The following CLVS1 variants were observed in gnomAD, a reference collection of about 807,000 sequenced individuals.
CLVS1 encodes the protein clavesin 1.
Under a neutral mutation model 33.1 loss-of-function variants are expected in CLVS1, and 10 were observed. The observed-to-expected ratio is 0.30, with a 90% CI of 0.19 to 0.51. The LOEUF (loss-of-function observed/expected upper bound fraction) is 0.51, where lower values mean the gene tolerates loss of function less well. Among genes scored for constraint, CLVS1 ranks in the 20% least tolerant of loss-of-function variants. CLVS1 has a pLI of 0.97. For missense variants in CLVS1, 343 were observed against 433.4 expected, an observed-to-expected ratio of 0.79 and a Z score of 1.85; for synonymous variants, 163 against 166.1, an observed-to-expected ratio of 0.98 and a Z score of 0.14.
the CLVS1 span, among the ~76,000 whole-genome samples, chr8:61,009,229 G>A: frequency 6.7e-6 from 1 of 150,214 alleles, no homozygotes; most frequent in Non-Finnish European, 1.5e-5. Flanking sequence ...GGAATGCAGT[G>A]CCTCGCCCTC....
At chr8:61,141,789 G>T (rs1034856083) in intron 2 of CLVS1, among the ~76,000 whole-genome samples, 9 of 152,174 alleles carry the variant, frequency 5.9e-5, no homozygotes, top group African/African-American at 1.9e-4. Context: ...CCACTCCCCA[G>T]CATAGGACAG....
At chr8:61,296,765 A>G (rs189170725) in intron 1 of CLVS1, among the ~76,000 whole-genome samples, 2 of 152,288 alleles carry the variant, frequency 1.3e-5, no homozygotes, top group African/African-American at 2.4e-5. Context: ...CTGAGCATCT[A>G]CTTCATCGCA....
intron 5 of CLVS1, among the ~76,000 whole-genome samples, chr8:61,475,303 A>T (rs1586027024): frequency 6.6e-6 from 1 of 152,230 alleles, no homozygotes; most frequent in Non-Finnish European, 1.5e-5. Flanking sequence ...TACTTTGGGT[A>T]TATACCCAGT....
At chr8:61,467,875 G>A (rs561008354) in intron 5 of CLVS1, among the ~76,000 whole-genome samples, 1 of 152,270 alleles carries the variant, frequency 6.6e-6, no homozygotes, top group Non-Finnish European at 1.5e-5. Flanking sequence ...GTCCTTAGAT[G>A]TCATTTAGGG....
chr8:61,214,993 A>G (rs1808054418), intron 2 of CLVS1, among the ~76,000 whole-genome samples: 2 of 152,168 alleles, frequency 1.3e-5, no homozygotes, highest in South Asian at 4.1e-4. Context: ...CACATTGAAA[A>G]TGTTTTAGCT....
At chr8:61,209,260 G>A (rs542323005) in intron 2 of CLVS1, among the ~76,000 whole-genome samples, 3 of 152,330 alleles carry the variant, frequency 2.0e-5, no homozygotes, top group Non-Finnish European at 4.4e-5. Context: ...CCAGCTGTGG[G>A]GCTAAGCTTG....
At chr8:61,081,602 G>A (rs2129282580) in intron 1 of CLVS1, among the ~76,000 whole-genome samples, 1 of 152,338 alleles carries the variant, frequency 6.6e-6, no homozygotes, top group South Asian at 2.1e-4. Flanking sequence ...GGTCTCCAGA[G>A]ATGGGCATGT....
At chr8:61,059,711 T>C (rs891407581) in intron 1 of CLVS1, among the ~76,000 whole-genome samples, 1 of 150,674 alleles carries the variant, frequency 6.6e-6, no homozygotes. Flanking sequence ...CTCGGGAGGC[T>C]GAGGCAGGAG....
At chr8:61,081,477 C>G (rs930203349) in intron 1 of CLVS1, among the ~76,000 whole-genome samples, 23 of 152,180 alleles carry the variant, frequency 1.5e-4, no homozygotes, top group African/African-American at 4.6e-4. Flanking sequence ...ATGGCCCCAC[C>G]TCTGACTGAT....
intron 2 of CLVS1, among the ~76,000 whole-genome samples, chr8:61,234,736 C>T (rs939571271): frequency 6.6e-6 from 1 of 152,178 alleles, no homozygotes; most frequent in Non-Finnish European, 1.5e-5. Flanking sequence ...AAGTTAACCA[C>T]TATCCTTTGT....
intron 2 of CLVS1, among the ~76,000 whole-genome samples, chr8:61,368,393 A>G (rs1474058222): frequency 3.3e-5 from 5 of 152,212 alleles, no homozygotes; most frequent in African/African-American, 1.2e-4. Flanking sequence ...TCTTATTTCC[A>G]TGCTGTACTT....
At chr8:61,487,381 A>AC in intron 5 of CLVS1, among the ~76,000 whole-genome samples, 1 of 152,268 alleles carries the variant, frequency 6.6e-6, no homozygotes, top group East Asian at 1.9e-4. Flanking sequence ...TGGCTGAGGC[A>AC]CAGAGCAGTT....
chr8:61,168,113 A>T (rs1806917501), intron 2 of CLVS1, among the ~76,000 whole-genome samples: 1 of 152,060 alleles, frequency 6.6e-6, no homozygotes, highest in South Asian at 2.1e-4. Context: ...TTGGATCGGG[A>T]CCCCTTTCCT....
rs140778823 is a variant in CLVS1 at position 61,232,028 on chromosome 8, T to TGTTTG, written c.-151-67649_-151-67648insGTTTG. On this transcript the variant is annotated intron_variant, in intron 2 of 2. Coordinates refer to the CLVS1 transcript ENST00000522621. Reference sequence around the variant, plus strand: ...GAGCCCTGAGGAAAGTTGTGGTTTTTTTTTTTTTTTTTTTTTTTTTTTGTG... The same window carrying TGTTTG: ...GAGCCCTGAGGAAAGTTGTGGTTTTTGTTTGTTTTTTTTTTTTTTTTTTTTTTGTG... Among the ~76,000 whole-genome samples, 44 of 114,818 alleles carry TGTTTG rather than the reference T, an allele frequency of 3.8e-4. 1 individual carries two copies. The highest frequency in any genetic ancestry group is 6.8e-4 in the South Asian group (2 of 2,960). 75.3% of individuals were successfully genotyped at this position (114,818 alleles called of 152,430 possible).
intron 1 of CLVS1, among the ~76,000 whole-genome samples, chr8:61,130,414 A>G (rs1806072306): frequency 6.6e-6 from 1 of 152,156 alleles, no homozygotes; most frequent in Non-Finnish European, 1.5e-5. Context: ...CATGCCAAGC[A>G]TTTTATGGAC....
In CLVS1 at chr8:61,500,473, GTAAA is replaced by G. The variant is rs540541641; in HGVS notation, c.*934_*937del. 3 of 152,166 alleles carry G rather than the reference GTAAA, an allele frequency of 2.0e-5. No homozygotes were observed. The highest frequency in any genetic ancestry group is 2.9e-5 in the Non-Finnish European group (2 of 68,034). 9.4% of individuals were successfully genotyped at this position (152,166 alleles called of 1,614,324 possible). On this transcript the variant is annotated 3_prime_UTR_variant, in exon 6 of 6. Coordinates refer to ENST00000325897, the MANE Select transcript of CLVS1 (RefSeq NM_173519.3). ...AAAGACCATGGTTGTTGCTGAGAGG[GTAAA>G]TATTCAATCATGGAGCATGACCCAT... is the stretch of plus-strand genomic sequence containing the variant.
At chr8:61,356,826 A>G (rs1812730933) in intron 2 of CLVS1, among the ~76,000 whole-genome samples, 1 of 152,166 alleles carries the variant, frequency 6.6e-6, no homozygotes, top group Admixed American at 6.5e-5. Flanking sequence ...GCCTTGTAAT[A>G]TAGTTTGAAG....
intron 2 of CLVS1, among the ~76,000 whole-genome samples, chr8:61,261,252 A>G (rs916631040): frequency 2.0e-5 from 3 of 152,160 alleles, no homozygotes; most frequent in African/African-American, 7.2e-5. Flanking sequence ...AAATGCTGTC[A>G]TTTGTTCTGA....
the CLVS1 span, among the ~76,000 whole-genome samples, chr8:61,012,495 G>C: frequency 6.6e-6 from 1 of 152,236 alleles, no homozygotes; most frequent in Non-Finnish European, 1.5e-5. Flanking sequence ...GAGAGTGATG[G>C]AGATGGGCTT....
Sources: gnomAD v4.1 joint callset for allele counts (sites outside exome capture counted in the v4.1 genomes callset) on GRCh38, gnomAD v4.1.1 for gene constraint, MANE v1.5 for transcripts, NCBI Gene and HGNC (gene_info 2026-07-23, HGNC 2026-07-21) for gene names.